RNF8: variants seen among roughly 807,000 people sequenced by gnomAD.
RNF8 encodes E3 ubiquitin-protein ligase RNF8.
In RNF8, 8 loss-of-function variants were observed where a neutral mutation model predicts 59.3. The ratio of observed to expected loss-of-function variants is 0.13; its 90% CI spans 0.08 to 0.24. The LOEUF (loss-of-function observed/expected upper bound fraction) is 0.24, where lower values mean the gene tolerates loss of function less well. Ranked by LOEUF, RNF8 falls within the 10% of genes least tolerant of loss-of-function variation. The pLI is 1.00. For missense variants in RNF8, 406 were observed against 572.6 expected, an observed-to-expected ratio of 0.71 and a Z score of 2.97; for synonymous variants, 162 against 200.0, an observed-to-expected ratio of 0.81 and a Z score of 1.60.
chr6:37,367,981 G>A (rs1769633325), intron 2 of RNF8, among the ~76,000 whole-genome samples: 1 of 152,150 alleles, frequency 6.6e-6, no homozygotes, highest in African/African-American at 2.4e-5. Context: ...CCTGCCATTT[G>A]ACCCCAGTAC....
At chr6:37,372,702 GC>G (rs1200476869) in intron 4 of RNF8, among the ~76,000 whole-genome samples, 1 of 152,214 alleles carries the variant, frequency 6.6e-6, no homozygotes, top group African/African-American at 2.4e-5. Context: ...GGGCACGGTG[GC>G]TCACGCCTGT....
chr6:37,374,750 A>C (rs1001745563), intron 5 of RNF8, 41 bp downstream of exon 5: 4 of 1,449,598 alleles, frequency 2.8e-6, no homozygotes, highest in Middle Eastern at 1.7e-4. Context: ...TGGTTAGTGC[A>C]TGCAACTCAG....
chr6:37,384,400 C>A (rs147600453), intron 7 of RNF8, among the ~76,000 whole-genome samples: 3 of 152,190 alleles, frequency 2.0e-5, no homozygotes, highest in Non-Finnish European at 2.9e-5. Context: ...GCTCCGCCCC[C>A]CAAAGTGCTG....
chr6:37,365,861 A>T (rs1769529826), intron 2 of RNF8, among the ~76,000 whole-genome samples: 1 of 152,206 alleles, frequency 6.6e-6, no homozygotes. Context: ...ATTGTTCTGT[A>T]CCGCCATGGG....
intron 4 of RNF8, among the ~76,000 whole-genome samples, chr6:37,371,863 TTCTAGAAA>T (rs1432179404): frequency 6.6e-6 from 1 of 152,168 alleles, no homozygotes; most frequent in African/African-American, 2.4e-5. Context: ...GTGGCTCCAC[TTCTAGAAA>T]GGTGAGGGCA....
intron 2 of RNF8, among the ~76,000 whole-genome samples, chr6:37,368,036 C>G (rs1250186470): frequency 6.6e-6 from 1 of 152,182 alleles, no homozygotes; most frequent in African/African-American, 2.4e-5. Flanking sequence ...TGCTTGCTTG[C>G]TTACCAGTGC....
At position 37,367,603 on chromosome 6, in the gene RNF8, T is replaced by C. The variant is rs190416667; in HGVS notation, c.241-881T>C. Among the ~76,000 whole-genome samples, 272 of 152,242 alleles carry C rather than the reference T, an allele frequency of 1.8e-3. 1 individual carries two copies. Among genetic ancestry groups the C allele is most frequent in the Non-Finnish European group, 2.8e-3 (190 of 68,010 alleles). ...ATTTTTAGTAGAGAGGTGGTCTCACTGTGTTGGCCAGGGTGGTCTTGAACT... is the reference window on the plus strand; with the variant it reads ...ATTTTTAGTAGAGAGGTGGTCTCACCGTGTTGGCCAGGGTGGTCTTGAACT... On this transcript the variant is annotated intron_variant, in intron 2 of 7. Coordinates refer to ENST00000373479, the MANE Select transcript of RNF8 (RefSeq NM_003958.4).
At chr6:37,355,033 C>CA (rs745543446) in intron 1 of RNF8, among the ~76,000 whole-genome samples, 3 of 152,238 alleles carry the variant, frequency 2.0e-5, no homozygotes, top group African/African-American at 4.8e-5. Flanking sequence ...GGCAGGTATT[C>CA]AGAGTTCTCT....
chr6:37,368,637 A>T lies in RNF8; in HGVS notation c.394A>T (p.Ile132Leu), dbSNP rs367887168. 12 of 1,614,058 alleles carry T rather than the reference A, an allele frequency of 7.4e-6. No homozygotes were observed. The highest frequency in any genetic ancestry group is 1.0e-5 in the Non-Finnish European group (12 of 1,180,030). ...YEVTEEDWET[I>L]YPCLSPKNDQ... ...AGTTACTGAAGAAGACTGGGAGACA[A>T]TATATCCTTGTCTTTCCCCAAAGAA... The change falls in exon 3 of 8, where the codon ATA becomes TTA. Residue 132 changes from isoleucine to leucine, a missense_variant. Around this residue, in one of 3 missense-constraint regions of RNF8, gnomAD observed 285 missense variants for 342.0 expected, o/e 0.83. Coordinates refer to ENST00000373479, the MANE Select transcript of RNF8 (RefSeq NM_003958.4).
chr6:37,376,531 G>A (rs751481893), intron 5 of RNF8, among the ~76,000 whole-genome samples: 21 of 152,060 alleles, frequency 1.4e-4, no homozygotes, highest in African/African-American at 2.7e-4. Context: ...CCTATATGGC[G>A]GAAGGGGCAA....
intron 4 of RNF8, among the ~76,000 whole-genome samples, chr6:37,372,807 T>A (rs760249645): frequency 2.6e-5 from 4 of 152,152 alleles, no homozygotes; most frequent in Non-Finnish European, 5.9e-5. Context: ...CTGTCTCTAC[T>A]AAAAATACAA....
intron 2 of RNF8, among the ~76,000 whole-genome samples, chr6:37,367,821 CT>C (rs1769624316): frequency 6.6e-6 from 1 of 152,210 alleles, no homozygotes; most frequent in South Asian, 2.1e-4. Context: ...CATCCCTGTT[CT>C]GCAGACAAAA....
intron 2 of RNF8, among the ~76,000 whole-genome samples, chr6:37,362,103 G>A (rs1433904173): frequency 6.6e-6 from 1 of 152,170 alleles, no homozygotes; most frequent in Non-Finnish European, 1.5e-5. Context: ...CTGTAATAGC[G>A]TATATCAAAA....
chr6:37,384,812 C>T (rs1056549821), intron 7 of RNF8, among the ~76,000 whole-genome samples: 3 of 152,150 alleles, frequency 2.0e-5, no homozygotes, highest in African/African-American at 4.8e-5. Flanking sequence ...CCTCTCTCTT[C>T]CAGAGAGAAT....
rs34469147 is a variant in RNF8, at chr6:37,360,623, CTT to C, written c.240+62_240+63del. The C allele has an allele frequency of 0.014, 17,096 of 1,208,368 alleles. No individual in the cohort carries two copies. The highest frequency in any genetic ancestry group is 0.023 in the South Asian group (1,437 of 61,450). 74.9% of individuals were successfully genotyped at this position (1,208,368 alleles called of 1,614,324 possible). A position where few individuals can be genotyped will look rare whatever the true frequency, so the allele number is the denominator to read the frequency against. The stretch of plus-strand genomic sequence containing the variant: ...ATGACTTTTATTTGTTTTTAAATTA[CTT>C]TTTTTTTTTTTTGCATAGGTAATTC... On this transcript the variant is annotated intron_variant, in intron 2 of 7. Coordinates refer to ENST00000373479, the MANE Select transcript of RNF8 (RefSeq NM_003958.4). The surrounding 1 kb of genome is among the most constrained non-coding windows in gnomAD (Gnocchi z 4.2).
chr6:37,392,762 G>A lies in RNF8; in HGVS notation c.*2004G>A, dbSNP rs984621836. On this transcript the variant is annotated 3_prime_UTR_variant, in exon 8 of 8. Transcript: ENST00000373479. ...TTTTTACTCTTAAAACAATGCTGCA[G>A]TTAACACCCTTGTACATATATCTTT... is the stretch of plus-strand genomic sequence containing the variant. The A allele has an allele frequency of 1.9e-4, 77 of 398,230 alleles. No individual in the cohort carries two copies. Among genetic ancestry groups the A allele is most frequent in the Middle Eastern group, 6.3e-4 (1 of 1,588 alleles). The allele number at this position is 398,230 out of a possible 1,614,324, so 24.7% of individuals were successfully genotyped here.
intron 6 of RNF8, among the ~76,000 whole-genome samples, chr6:37,379,157 G>A (rs1770146787): frequency 6.6e-6 from 1 of 152,026 alleles, no homozygotes; most frequent in Non-Finnish European, 1.5e-5. Flanking sequence ...GGGACTACAG[G>A]CACCCGCCAC....
intron 1 of RNF8, chr6:37,359,191 T>C (rs1459716034): frequency 1.5e-5 from 7 of 453,950 alleles, no homozygotes; most frequent in Non-Finnish European, 3.1e-5. Flanking sequence ...AGGGTTGTTA[T>C]GAACTAGACT....
chr6:37,356,986 G>A (rs772418821), intron 1 of RNF8, among the ~76,000 whole-genome samples: 3 of 152,190 alleles, frequency 2.0e-5, no homozygotes, highest in Admixed American at 6.5e-5. Flanking sequence ...TGATCCGCCC[G>A]CCTGGGCTTC....
Sources: gnomAD v4.1 joint callset for allele counts (sites outside exome capture counted in the v4.1 genomes callset) on GRCh38, gnomAD v4.1.1 for gene constraint, gnomAD v4.1.1 regional missense constraint, Gnocchi (gnomAD v3.1) non-coding constraint, MANE v1.5 for transcripts, NCBI Gene and HGNC (gene_info 2026-07-23, HGNC 2026-07-21) for gene names.